The following CSNK2A2IP variants were observed in gnomAD, a reference collection of about 807,000 sequenced individuals.
CSNK2A2IP encodes the protein casein kinase II subunit alpha'-interacting protein.
chr3:88,420,735 A>G, the CSNK2A2IP span, among the ~76,000 whole-genome samples: 10 of 151,998 alleles, frequency 6.6e-5, no homozygotes, highest in Non-Finnish European at 5.9e-5. Context: ...TTGGGAATGT[A>G]TGTTATTTGG....
chr3:88,455,856 T>C, the CSNK2A2IP span, among the ~76,000 whole-genome samples: 1 of 151,978 alleles, frequency 6.6e-6, no homozygotes, highest in Admixed American at 6.6e-5. Flanking sequence ...TTTAATCCAT[T>C]ATGAATTAAT....
At chr3:88,409,360 G>A in the CSNK2A2IP span, among the ~76,000 whole-genome samples, 1 of 151,966 alleles carries the variant, frequency 6.6e-6, no homozygotes, top group African/African-American at 2.4e-5. Flanking sequence ...GAGGCTGCTT[G>A]CAGAATTTAC....
chr3:88,374,998 C>T, the CSNK2A2IP span, among the ~76,000 whole-genome samples: 1 of 151,616 alleles, frequency 6.6e-6, no homozygotes, highest in Non-Finnish European at 1.5e-5. Flanking sequence ...AGAGTAGCCT[C>T]CACAACCTCA....
the CSNK2A2IP span, among the ~76,000 whole-genome samples, chr3:88,452,365 G>A: frequency 6.6e-6 from 1 of 152,070 alleles, no homozygotes; most frequent in African/African-American, 2.4e-5. Flanking sequence ...ATAATATTCT[G>A]TAGTTTTGTT....
the CSNK2A2IP span, among the ~76,000 whole-genome samples, chr3:88,352,361 G>A: frequency 6.6e-5 from 10 of 151,998 alleles, no homozygotes; most frequent in South Asian, 1.5e-3. Context: ...TGAAAAAATT[G>A]ATTTTAAACT....
At chr3:88,363,924 T>A in the CSNK2A2IP span, among the ~76,000 whole-genome samples, 1 of 152,190 alleles carries the variant, frequency 6.6e-6, no homozygotes, top group African/African-American at 2.4e-5. Context: ...TTTCTTCCCC[T>A]GGCTTTGGAT....
the CSNK2A2IP span, among the ~76,000 whole-genome samples, chr3:88,367,682 A>G: frequency 6.6e-6 from 1 of 152,054 alleles, no homozygotes; most frequent in Non-Finnish European, 1.5e-5. Flanking sequence ...TCACACCAAC[A>G]AAACGCACAT....
chr3:88,416,161 C>G, the CSNK2A2IP span, among the ~76,000 whole-genome samples: 2 of 151,222 alleles, frequency 1.3e-5, no homozygotes, highest in African/African-American at 4.9e-5. Flanking sequence ...GTCCTAGCTA[C>G]TCAGGAGGCT....
chr3:88,451,044 T>C, the CSNK2A2IP span, among the ~76,000 whole-genome samples: 439 of 152,292 alleles, frequency 2.9e-3, 2 homozygotes, highest in African/African-American at 9.9e-3. Context: ...AATATCCATC[T>C]TAACAAATGT....
chr3:88,424,369 C>T, the CSNK2A2IP span, among the ~76,000 whole-genome samples: 1 of 152,110 alleles, frequency 6.6e-6, no homozygotes, highest in African/African-American at 2.4e-5. Flanking sequence ...TAGAAGGAAG[C>T]TAGTTTCAAG....
At chr3:88,449,282 T>C in the CSNK2A2IP span, among the ~76,000 whole-genome samples, 7 of 152,220 alleles carry the variant, frequency 4.6e-5, no homozygotes, top group Admixed American at 2.0e-4. Context: ...CTTGATTCAC[T>C]AAGATATATG....
At chr3:88,411,634 T>C in the CSNK2A2IP span, among the ~76,000 whole-genome samples, 3 of 151,866 alleles carry the variant, frequency 2.0e-5, no homozygotes, top group Admixed American at 6.6e-5. Context: ...GATAATTCAG[T>C]TTGTGAAAAA....
At chr3:88,419,029 C>A in the CSNK2A2IP span, among the ~76,000 whole-genome samples, 1 of 152,120 alleles carries the variant, frequency 6.6e-6, no homozygotes, top group Non-Finnish European at 1.5e-5. Flanking sequence ...TTATGAGAAT[C>A]TAATACCTGA....
the CSNK2A2IP span, among the ~76,000 whole-genome samples, chr3:88,388,549 T>A: frequency 1.3e-5 from 2 of 152,186 alleles, no homozygotes; most frequent in Non-Finnish European, 2.9e-5. Flanking sequence ...TATTATCTAA[T>A]TAAATGCAAG....
chr3:88,456,504 G>A, the CSNK2A2IP span, among the ~76,000 whole-genome samples: 2 of 151,880 alleles, frequency 1.3e-5, no homozygotes, highest in South Asian at 2.1e-4. Context: ...ACAGTTTGCT[G>A]TTAATGTATA....
At chr3:88,384,502 C>CT in the CSNK2A2IP span, among the ~76,000 whole-genome samples, 4 of 152,204 alleles carry the variant, frequency 2.6e-5, no homozygotes, top group South Asian at 6.2e-4. Flanking sequence ...AAAAAGGAAG[C>CT]TGGTGCGGCT....
At chr3:88,423,638 G>T in the CSNK2A2IP span, among the ~76,000 whole-genome samples, 3 of 152,116 alleles carry the variant, frequency 2.0e-5, no homozygotes, top group Non-Finnish European at 2.9e-5. Context: ...TGCCTAGGGA[G>T]CAGAACACGA....
At chr3:88,348,188 G>GTT in the CSNK2A2IP span, among the ~76,000 whole-genome samples, 47 of 112,428 alleles carry the variant, frequency 4.2e-4, no homozygotes, top group African/African-American at 1.3e-3. Flanking sequence ...TAGACAGAAT[G>GTT]ATTTTTTTTT....
the CSNK2A2IP span, among the ~76,000 whole-genome samples, chr3:88,357,183 C>T: frequency 2.0e-5 from 3 of 152,100 alleles, no homozygotes; most frequent in Admixed American, 1.3e-4. Flanking sequence ...AATCTTTGCT[C>T]AGCTGAATGT....
Sources: gnomAD v4.1 joint callset for allele counts (sites outside exome capture counted in the v4.1 genomes callset) on GRCh38, gnomAD v4.1.1 for gene constraint, MANE v1.5 for transcripts, NCBI Gene and HGNC (gene_info 2026-07-23, HGNC 2026-07-21) for gene names.